The following PPP1R13L variants were observed in gnomAD, a reference collection of about 807,000 sequenced individuals.
The protein encoded by PPP1R13L is protein phosphatase 1 regulatory subunit 13 like.
In PPP1R13L, 50 loss-of-function variants were observed where a neutral mutation model predicts 80.9. The ratio of observed to expected loss-of-function variants is 0.62; its 90% CI spans 0.49 to 0.78. The LOEUF (loss-of-function observed/expected upper bound fraction) is 0.78, where lower values mean the gene tolerates loss of function less well. Ranked by LOEUF, PPP1R13L falls within the 30% of genes least tolerant of loss-of-function variation. The probability of loss-of-function intolerance (pLI) is 0.00; values close to 1 mark genes in which losing one functional copy is unlikely to be tolerated. For synonymous variants in PPP1R13L, 602 were observed against 534.3 expected (o/e 1.13, Z -1.75); for missense variants, 1,200 against 1,205.9 (o/e 1.00, Z 0.07).
intron 1 of PPP1R13L, among the ~76,000 whole-genome samples, chr19:45,400,328 G>A (rs561757483): frequency 4.6e-5 from 7 of 151,974 alleles, no homozygotes; most frequent in African/African-American, 9.6e-5. Flanking sequence ...ACTAGGAACC[G>A]GTCAGGCCAG....
At chr19:45,384,061 T>A (rs1414379474) in intron 11 of PPP1R13L, among the ~76,000 whole-genome samples, 1 of 151,722 alleles carries the variant, frequency 6.6e-6, no homozygotes, top group Non-Finnish European at 1.5e-5. Context: ...CCACCGCGCC[T>A]GGCTTTCTTT....
chr19:45,398,819 C>T (rs1373692549), intron 1 of PPP1R13L, among the ~76,000 whole-genome samples: 1 of 150,066 alleles, frequency 6.7e-6, no homozygotes, highest in South Asian at 2.1e-4. Flanking sequence ...TATCTCAGTC[C>T]TAAGACCTGA....
chr19:45,395,748 G>T lies in PPP1R13L; in HGVS notation c.1042C>A (p.Pro348Thr), dbSNP rs1169667848. ...GGGGGCATGGGGATGCGGCTGACGG[G>T]CTGCCAGCTGCGAGGCAAAGTGCCC... ...PSGTLPRSWQ[P>T]VSRIPMPPSS... The change falls in exon 7 of 13, where the codon CCC becomes ACC. Residue 348 changes from proline to threonine, a missense_variant. Coordinates refer to ENST00000360957, the MANE Select transcript of PPP1R13L (RefSeq NM_006663.4). The T allele has an allele frequency of 2.6e-6, 4 of 1,529,808 alleles. No individual in the cohort carries two copies. Among genetic ancestry groups the T allele is most frequent in the Non-Finnish European group, 3.5e-6 (4 of 1,143,912 alleles). The allele number at this position is 1,529,808 out of a possible 1,614,324, so 94.8% of individuals were successfully genotyped here. A position where few individuals can be genotyped will look rare whatever the true frequency, so the allele number is the denominator to read the frequency against.
chr19:45,391,674 C>G (rs1017612013), intron 8 of PPP1R13L, among the ~76,000 whole-genome samples: 1 of 152,168 alleles, frequency 6.6e-6, no homozygotes, highest in Admixed American at 6.6e-5. Flanking sequence ...GCTTACTCCC[C>G]GATGGATGGC....
chr19:45,395,519 AGCTGGGGCTGTGGTTGTGATTGTG>A lies in PPP1R13L; in HGVS notation c.1247_1270del (p.Pro416_Gln423del). On this transcript the variant is annotated inframe_deletion, in exon 7 of 13. Transcript: ENST00000360957. ...GGGTTGGGTCTGGGGCTGTGGGGGCAGCTGGGGCTGTGGTTGTGATTGTGGCTGGGGCTGTGGTTGTGGTTGGGG... is the reference window on the plus strand; with the variant it reads ...GGGTTGGGTCTGGGGCTGTGGGGGCAGCTGGGGCTGTGGTTGTGGTTGGGG... 2 of 1,470,052 alleles carry A rather than the reference AGCTGGGGCTGTGGTTGTGATTGTG, an allele frequency of 1.4e-6. No homozygotes were observed. Among genetic ancestry groups the A allele is most frequent in the Non-Finnish European group, 9.1e-7 (1 of 1,103,760 alleles). 91.1% of individuals were successfully genotyped at this position (1,470,052 alleles called of 1,614,324 possible). A position where few individuals can be genotyped will look rare whatever the true frequency, so the allele number is the denominator to read the frequency against.
chr19:45,381,150 G>A (rs1353418682), intron 12 of PPP1R13L, among the ~76,000 whole-genome samples: 1 of 151,124 alleles, frequency 6.6e-6, no homozygotes, highest in East Asian at 1.9e-4. Context: ...AATCTCCCAG[G>A]CTTAAGCGAT....
chr19:45,395,982 G>GC (rs1022871843), intron 6 of PPP1R13L, 96 bp from the exon 7 acceptor site: 36 of 1,007,178 alleles, frequency 3.6e-5, no homozygotes, highest in Non-Finnish European at 4.9e-5. Flanking sequence ...GGTGAGGGAA[G>GC]CCCTGGGAGT....
At chr19:45,389,452 T>C (rs1228121334) in intron 8 of PPP1R13L, among the ~76,000 whole-genome samples, 2 of 152,156 alleles carry the variant, frequency 1.3e-5, no homozygotes, top group Non-Finnish European at 2.9e-5. Flanking sequence ...CCTGGTCCAA[T>C]GGTGACAACA....
rs1259946562 is a variant in PPP1R13L at position 45,396,409 on chromosome 19, G to A, written c.740C>T (p.Pro247Leu). 1.9e-6 allele frequency: 3 copies of A among 1,614,038 alleles called. No homozygotes were observed. Among genetic ancestry groups the A allele is most frequent in the Non-Finnish European group, 1.7e-6 (2 of 1,179,984 alleles). Reference sequence around the variant, plus strand: ...CAGGTCAGACTCGTTCCAGGCTTTCGGAGGCCGCCGGCGCAGCGTCAGGTC... The same window carrying A: ...CAGGTCAGACTCGTTCCAGGCTTTCAGAGGCCGCCGGCGCAGCGTCAGGTC... ...QDDLTLRRRP[P>L]KAWNESDLDV... is the part of the protein sequence containing the mutation. The change falls in exon 5 of 13, where the codon CCG (proline) becomes CTG (leucine). Residue 247 changes from proline (P) to leucine (L), a missense_variant. This residue lies in a region of PPP1R13L where 764 missense variants were observed against 714.5 expected (regional missense o/e 1.07). Coordinates refer to ENST00000360957, the MANE Select transcript of PPP1R13L (RefSeq NM_006663.4). This position sits in a 1 kb window ranked among gnomAD's most constrained non-coding sequence, Gnocchi z 5.3.
At chr19:45,397,472 C>CTCTCTCTTTCTTTCTTTCTTTCTTTCTT in intron 3 of PPP1R13L, among the ~76,000 whole-genome samples, 1 of 83,404 alleles carries the variant, frequency 1.2e-5, no homozygotes, top group Non-Finnish European at 2.3e-5. Flanking sequence ...TTCTCTCTCT[C>CTCTCTCTTTCTTTCTTTCTTTCTTTCTT]TCTTTCTTTC....
intron 7 of PPP1R13L, among the ~76,000 whole-genome samples, chr19:45,393,524 GT>G (rs1421602023): frequency 6.6e-6 from 1 of 151,532 alleles, no homozygotes; most frequent in African/African-American, 2.4e-5. Context: ...CCTGGGAGGT[GT>G]AGGATGCAGT....
chr19:45,389,969 T>C (rs1014099464), intron 8 of PPP1R13L, among the ~76,000 whole-genome samples: 3 of 151,766 alleles, frequency 2.0e-5, no homozygotes, highest in Non-Finnish European at 2.9e-5. Context: ...AATTTTTGTA[T>C]TTTTAGTAGA....
At position 45,397,050 on chromosome 19, in the gene PPP1R13L, C is replaced by T. The variant is rs772346171; in HGVS notation, c.207G>A (p.Arg69=). The T allele has an allele frequency of 2.3e-6, 3 of 1,320,964 alleles. No homozygotes were observed. Among genetic ancestry groups the T allele is most frequent in the Non-Finnish European group, 2.9e-6 (3 of 1,036,404 alleles). The allele number at this position is 1,320,964 out of a possible 1,614,324, so 81.8% of individuals were successfully genotyped here. ...GCTCAGGGATCGAGCTGGAGCTGTA[C>T]CGGGGCGGCTGTGGGGAGGCCAGGG... ...PQAGPPSRPP[R]YSSSSIPEPF... The change falls in exon 4 of 13, where the codon CGG becomes CGA. Residue 69 remains arginine, a synonymous_variant. Transcript: ENST00000360957.
At position 45,396,358 on chromosome 19, in the gene PPP1R13L, G is replaced by C. The variant is rs746396640; in HGVS notation, c.791C>G (p.Ser264Trp). The change falls in exon 5 of 13, where the codon TCG (serine) becomes TGG (tryptophan). Residue 264 changes from serine to tryptophan, a missense_variant. By Grantham distance (177) the Ser-to-Trp change is radical (BLOSUM62 -3). Around this residue, in one of 5 missense-constraint regions of PPP1R13L, gnomAD observed 764 missense variants for 714.5 expected, o/e 1.07. Coordinates refer to ENST00000360957, the MANE Select transcript of PPP1R13L (RefSeq NM_006663.4). The surrounding 1 kb of genome is among the most constrained non-coding windows in gnomAD (Gnocchi z 5.3). ...DLDVAYEKKP[S>W]QTASYERLDV... ...CTCACGTTCATAGCTCGCTGTCTGC[G>C]AAGGCTTCTTCTCGTACGCCACGTC... The C allele has an allele frequency of 6.2e-7, 1 of 1,614,000 alleles. No individual in the cohort carries two copies. The highest frequency in any genetic ancestry group is 8.5e-7 in the Non-Finnish European group (1 of 1,180,028).
chr19:45,392,120 GC>G lies in PPP1R13L; in HGVS notation c.1574del (p.Gly525AlafsTer112). The G allele has an allele frequency of 6.4e-7, 1 of 1,566,178 alleles. No homozygotes were observed. Among genetic ancestry groups the G allele is most frequent in the Non-Finnish European group, 8.7e-7 (1 of 1,154,296 alleles). ...AEIPRPLKRR[G>X]SMEQAPAVAL... ...CCACAGCAGGGGCCTGCTCCATGGA[GC>G]CCCTGCGTTTGAGGGGCCGGGGAAT... On this transcript the variant is annotated frameshift_variant, in exon 8 of 13. Coordinates refer to ENST00000360957, the MANE Select transcript of PPP1R13L (RefSeq NM_006663.4). LOFTEE classifies it high-confidence loss of function.
In PPP1R13L at chr19:45,392,337, G is replaced by C; in HGVS notation, c.1358C>G (p.Pro453Arg). The C allele has an allele frequency of 6.2e-7, 1 of 1,613,126 alleles. No homozygotes were observed. The highest frequency in any genetic ancestry group is 8.5e-7 in the Non-Finnish European group (1 of 1,180,000). Residue 453 changes from proline to arginine, a missense_variant, in exon 8 of 13, where the codon CCC (proline) becomes CGC (arginine). This residue lies in a region of PPP1R13L where 764 missense variants were observed against 714.5 expected (regional missense o/e 1.07). Transcript: ENST00000360957. ...CTCCAGCTCGGTGGGGGGTTTGGGGGGTCCTAGCCGGAACAAGAGCCCATC... is the reference window on the plus strand; with the variant it reads ...CTCCAGCTCGGTGGGGGGTTTGGGGCGTCCTAGCCGGAACAAGAGCCCATC... ...QQTWPPVNEG[P>R]PKPPTELEPE...
chr19:45,380,082 C>T lies in PPP1R13L; in HGVS notation c.*108G>A, dbSNP rs997678225. On this transcript the variant is annotated 3_prime_UTR_variant, in exon 13 of 13. Transcript: ENST00000360957. ...GAGAACCGGTGGCAAGGACCACCAC[C>T]AGCAGGGTGAGGGGTGCAGATAAAG... 5.0e-5 allele frequency: 63 copies of T among 1,270,222 alleles called. No homozygotes were observed. Among genetic ancestry groups the T allele is most frequent in the Admixed American group, 1.6e-4 (9 of 54,654 alleles). The allele number at this position is 1,270,222 out of a possible 1,614,324, so 78.7% of individuals were successfully genotyped here.
intron 7 of PPP1R13L, among the ~76,000 whole-genome samples, chr19:45,393,690 T>G (rs1973024900): frequency 6.6e-6 from 1 of 151,748 alleles, no homozygotes; most frequent in Non-Finnish European, 1.5e-5. Flanking sequence ...CTGGCTAACA[T>G]GATGAAACCC....
In PPP1R13L at chr19:45,396,561, C is replaced by A. The variant is rs2123385836; in HGVS notation, c.696G>T (p.Pro232=). Residue 232 remains proline, a synonymous_variant, in exon 4 of 13, where the codon CCG becomes CCT. Transcript: ENST00000360957. This position sits in a 1 kb window ranked among gnomAD's most constrained non-coding sequence, Gnocchi z 5.3. ...LLGSGGSAFA[P]PLRAQDDLTL... is the part of the protein sequence containing the mutation. ...TGGGTTCACCTTGCGCGCGCAGAGG[C>A]GGGGCGAATGCGCTGCCGCCGGAGC... 1 of 1,527,168 alleles carries A rather than the reference C, an allele frequency of 6.5e-7. No homozygotes were observed. Among genetic ancestry groups the A allele is most frequent in the Admixed American group, 2.1e-5 (1 of 47,908 alleles). The allele number at this position is 1,527,168 out of a possible 1,614,324, so 94.6% of individuals were successfully genotyped here.
Sources: allele counts gnomAD v4.1 joint callset (sites outside exome capture counted in the v4.1 genomes callset), GRCh38; gene constraint gnomAD v4.1.1; regional missense constraint gnomAD v4.1.1; non-coding constraint Gnocchi (gnomAD v3.1); transcripts MANE v1.5; gene names NCBI Gene and HGNC (gene_info 2026-07-23, HGNC 2026-07-21).